GRIP1: variants seen among roughly 807,000 people sequenced by gnomAD.
The protein encoded by GRIP1 is glutamate receptor interacting protein 1, also known as glutamate receptor-interacting protein 1.
GRIP1 carries 45 observed loss-of-function variants against 129.9 expected under a neutral mutation model. That is an observed-to-expected ratio of 0.35 (90% CI 0.27 to 0.44). The LOEUF is 0.44. Among genes scored for constraint, GRIP1 ranks in the 20% least tolerant of loss-of-function variants. The pLI is 1.00. For missense variants in GRIP1, 1,196 were observed against 1,396.8 expected, an observed-to-expected ratio of 0.86 and a Z score of 2.29; for synonymous variants, 530 against 520.8, an observed-to-expected ratio of 1.02 and a Z score of -0.24.
intron 2 of GRIP1, among the ~76,000 whole-genome samples, chr12:66,579,473 A>T (rs2063285794): frequency 6.6e-6 from 1 of 152,200 alleles, no homozygotes; most frequent in South Asian, 2.1e-4. Flanking sequence ...TACAGGAGGA[A>T]ATTCAAACCA....
intron 1 of GRIP1, among the ~76,000 whole-genome samples, chr12:67,029,082 A>T (rs960264949): frequency 6.6e-6 from 1 of 152,092 alleles, no homozygotes; most frequent in African/African-American, 2.4e-5. Flanking sequence ...CAGCCTGGGC[A>T]AAATAGTGAG....
chr12:66,943,626 C>T (rs1265097299), intron 1 of GRIP1, among the ~76,000 whole-genome samples: 1 of 152,118 alleles, frequency 6.6e-6, no homozygotes, highest in East Asian at 1.9e-4. Context: ...AGCAGCATTG[C>T]AGTAAGTACA....
intron 1 of GRIP1, among the ~76,000 whole-genome samples, chr12:66,935,541 C>T (rs938253929): frequency 2.6e-5 from 4 of 152,068 alleles, no homozygotes; most frequent in Non-Finnish European, 5.9e-5. Flanking sequence ...TGAGTTCAGT[C>T]GTGTGGCTAA....
At chr12:66,907,319 A>G (rs1441675689) in intron 1 of GRIP1, among the ~76,000 whole-genome samples, 3 of 152,164 alleles carry the variant, frequency 2.0e-5, no homozygotes, top group Admixed American at 6.6e-5. Flanking sequence ...CATCTGTTCA[A>G]CTCAACATTA....
At chr12:67,063,388 C>T (rs1293918069) in intron 1 of GRIP1, among the ~76,000 whole-genome samples, 1 of 152,068 alleles carries the variant, frequency 6.6e-6, no homozygotes, top group East Asian at 1.9e-4. Context: ...ACTAATTTTC[C>T]CATAAAGCTG....
chr12:67,066,911 T>TATATATATATATATATATATAC (rs1474197671), intron 1 of GRIP1, among the ~76,000 whole-genome samples: 9 of 140,588 alleles, frequency 6.4e-5, no homozygotes, highest in South Asian at 4.4e-4. Flanking sequence ...TATATATATA[T>TATATATATATATATATATATAC]ACACACACAC....
chr12:66,748,643 A>G (rs1429960954), intron 1 of GRIP1, among the ~76,000 whole-genome samples: 2 of 152,196 alleles, frequency 1.3e-5, no homozygotes, highest in African/African-American at 2.4e-5. Flanking sequence ...GTCCAATTCT[A>G]TATTTGTTGT....
chr12:66,803,922 CA>C, intron 1 of GRIP1: 1 of 338,770 alleles, frequency 3.0e-6, no homozygotes, highest in Non-Finnish European at 5.9e-6. Flanking sequence ...CATAGCACTT[CA>C]GTACTTACAG....
At position 66,762,499 on chromosome 12, in the gene GRIP1, A is replaced by C. The variant is rs116187449; in HGVS notation, c.-420+41554T>G. Among the ~76,000 whole-genome samples the C allele has an allele frequency of 4.3e-3, 657 of 152,202 alleles. 5 individuals are homozygous for C. The highest frequency in any genetic ancestry group is 0.015 in the African/African-American group (636 of 41,504). Reference sequence around the variant, plus strand: ...TTTTCCTATTTTCTCCTTATTGTTAATTTCAATAATATATGTTGTACAACT... The same window carrying C: ...TTTTCCTATTTTCTCCTTATTGTTACTTTCAATAATATATGTTGTACAACT... On this transcript the variant is annotated intron_variant, in intron 1 of 4. Transcript: ENST00000538373.
At chr12:66,691,665 A>C (rs1339970003) in intron 1 of GRIP1, among the ~76,000 whole-genome samples, 1 of 152,214 alleles carries the variant, frequency 6.6e-6, no homozygotes, top group African/African-American at 2.4e-5. Flanking sequence ...CTTTACAAGC[A>C]TCTTTTATTC....
chr12:66,506,219 C>T lies in GRIP1; in HGVS notation c.724+9400G>A, dbSNP rs149500378. On this transcript the variant is annotated intron_variant, in intron 7 of 24. Transcript: ENST00000359742. ...TCTTATGGAAATGCATACATATGTT[C>T]CCCAAAAGACAAATATTAGAATGTT... is the stretch of plus-strand genomic sequence containing the variant. Among the ~76,000 whole-genome samples, 461 of 152,150 alleles carry T rather than the reference C, an allele frequency of 3.0e-3. 4 individuals carry two copies. The highest frequency in any genetic ancestry group is 5.5e-3 in the Non-Finnish European group (374 of 67,992).
intron 1 of GRIP1, among the ~76,000 whole-genome samples, chr12:66,857,759 A>G (rs2040032606): frequency 6.6e-6 from 1 of 151,950 alleles, no homozygotes; most frequent in South Asian, 2.1e-4. Flanking sequence ...AATTCAAAAT[A>G]GGGAGACAAG....
intron 2 of GRIP1, among the ~76,000 whole-genome samples, chr12:66,552,791 T>G (rs1414008966): frequency 6.6e-6 from 1 of 152,236 alleles, no homozygotes; most frequent in East Asian, 1.9e-4. Context: ...TGATTGTCCC[T>G]TGTTTGATGA....
At chr12:66,589,410 G>GTTTC (rs1329875357) in intron 2 of GRIP1, among the ~76,000 whole-genome samples, 2 of 152,070 alleles carry the variant, frequency 1.3e-5, no homozygotes, top group African/African-American at 4.8e-5. Flanking sequence ...CAAATGACAT[G>GTTTC]TTTCTGCACT....
chr12:66,688,986 T>C (rs1474145663), intron 1 of GRIP1, among the ~76,000 whole-genome samples: 1 of 152,090 alleles, frequency 6.6e-6, no homozygotes, highest in Non-Finnish European at 1.5e-5. Flanking sequence ...CCCTGCAGTC[T>C]AGCAAGTACA....
At chr12:66,573,857 C>T (rs191960855) in intron 2 of GRIP1, among the ~76,000 whole-genome samples, 82 of 152,206 alleles carry the variant, frequency 5.4e-4, no homozygotes, top group Middle Eastern at 3.4e-3. Flanking sequence ...ACCAGCCAAA[C>T]GAGATGCTTC....
intron 1 of GRIP1, among the ~76,000 whole-genome samples, chr12:66,954,291 A>T (rs1166412411): frequency 2.0e-5 from 3 of 152,222 alleles, no homozygotes; most frequent in Non-Finnish European, 4.4e-5. Context: ...AAATTGCTGC[A>T]GAGTTCAGCA....
chr12:66,460,297 T>A (rs1219317363), intron 9 of GRIP1, among the ~76,000 whole-genome samples: 1 of 152,226 alleles, frequency 6.6e-6, no homozygotes, highest in East Asian at 1.9e-4. Context: ...ACGTCACTAC[T>A]GCAGTCTCAA....
At chr12:66,444,424 T>C (rs1236808419) in intron 13 of GRIP1, among the ~76,000 whole-genome samples, 160 bp downstream of exon 13, 2 of 143,044 alleles carry the variant, frequency 1.4e-5, no homozygotes, top group Admixed American at 7.4e-5. Context: ...AAGTGGAGCT[T>C]GCAGTGAGCC....
Sources: gnomAD v4.1 joint callset for allele counts (sites outside exome capture counted in the v4.1 genomes callset) on GRCh38, gnomAD v4.1.1 for gene constraint, MANE v1.5 for transcripts, NCBI Gene and HGNC (gene_info 2026-07-23, HGNC 2026-07-21) for gene names.